The following FSTL5 variants were observed in gnomAD, a reference collection of about 807,000 sequenced individuals.
FSTL5 encodes the protein follistatin-related protein 5.
Under a neutral mutation model 89.1 loss-of-function variants are expected in FSTL5, and 62 were observed. The ratio of observed to expected loss-of-function variants is 0.70; its 90% CI spans 0.57 to 0.86. FSTL5 has a LOEUF of 0.86. Ranked by LOEUF, FSTL5 falls within the 40% of genes least tolerant of loss-of-function variation. The pLI, the probability that FSTL5 is intolerant of heterozygous loss-of-function variation, is 0.00. For synonymous variants in FSTL5, 383 were observed against 346.2 expected (o/e 1.11, Z -1.18); for missense variants, 1,057 against 1,001.6 (o/e 1.06, Z -0.75).
At chr4:161,480,372 C>T (rs1267483457) in intron 13 of FSTL5, among the ~76,000 whole-genome samples, 1 of 152,136 alleles carries the variant, frequency 6.6e-6, no homozygotes, top group Non-Finnish European at 1.5e-5. Context: ...ACTCTAATGC[C>T]AGACTGACTG....
At chr4:161,919,070 T>C (rs932127910) in intron 4 of FSTL5, among the ~76,000 whole-genome samples, 38 of 152,286 alleles carry the variant, frequency 2.5e-4, no homozygotes, top group African/African-American at 8.9e-4. Context: ...CATAATTTCA[T>C]AGTGTCAAGT....
intron 6 of FSTL5, among the ~76,000 whole-genome samples, chr4:161,671,214 CAGGT>C (rs1486889007): frequency 6.6e-6 from 1 of 152,182 alleles, no homozygotes; most frequent in Non-Finnish European, 1.5e-5. Context: ...AGCACTAACT[CAGGT>C]AGATTGCAGA....
intron 9 of FSTL5, among the ~76,000 whole-genome samples, chr4:161,540,179 C>G (rs1411077034): frequency 6.6e-6 from 1 of 152,128 alleles, no homozygotes; most frequent in African/African-American, 2.4e-5. Context: ...AATAAGCTAA[C>G]CCATCTCTGC....
intron 6 of FSTL5, among the ~76,000 whole-genome samples, chr4:161,735,931 A>C (rs578004042): frequency 6.6e-6 from 1 of 151,908 alleles, no homozygotes; most frequent in Non-Finnish European, 1.5e-5. Flanking sequence ...CAACTTTATA[A>C]AAAAAAGAGA....
chr4:161,987,900 T>C (rs1026033827), intron 3 of FSTL5, among the ~76,000 whole-genome samples: 2 of 151,684 alleles, frequency 1.3e-5, no homozygotes, highest in African/African-American at 2.4e-5. Context: ...TAAAAAAAAC[T>C]TAGGTTTTAT....
At chr4:162,106,217 A>G (rs1038139524) in intron 2 of FSTL5, among the ~76,000 whole-genome samples, 1 of 152,208 alleles carries the variant, frequency 6.6e-6, no homozygotes, top group Non-Finnish European at 1.5e-5. Context: ...GAGAACCATA[A>G]GTCAATTTAG....
intron 3 of FSTL5, among the ~76,000 whole-genome samples, chr4:161,933,815 T>G (rs1185540509): frequency 1.3e-5 from 2 of 152,016 alleles, no homozygotes; most frequent in Admixed American, 6.6e-5. Context: ...CTAGCAAAAC[T>G]TACTATGTCT....
intron 15 of FSTL5, among the ~76,000 whole-genome samples, chr4:161,408,795 A>T (rs553373818): frequency 6.6e-6 from 1 of 152,346 alleles, no homozygotes; most frequent in Non-Finnish European, 1.5e-5. Flanking sequence ...CAGAAGTATT[A>T]GCAGCGGAAG....
intron 8 of FSTL5, among the ~76,000 whole-genome samples, chr4:161,550,557 T>TTTTTA (rs1553996654): frequency 7.0e-6 from 1 of 142,244 alleles, no homozygotes; most frequent in Non-Finnish European, 1.5e-5. Context: ...GTAACTTCTT[T>TTTTTA]TTTATTTATT....
intron 6 of FSTL5, among the ~76,000 whole-genome samples, chr4:161,668,002 T>C (rs1213527096): frequency 6.6e-6 from 1 of 151,814 alleles, no homozygotes; most frequent in East Asian, 1.9e-4. Flanking sequence ...ATCCAAAGTA[T>C]GCAGGGTAAA....
intron 4 of FSTL5, among the ~76,000 whole-genome samples, chr4:161,783,183 A>G (rs1741732115): frequency 6.6e-6 from 1 of 152,214 alleles, no homozygotes; most frequent in Non-Finnish European, 1.5e-5. Flanking sequence ...ACAATTTAAC[A>G]TATTAGCTAT....
intron 4 of FSTL5, among the ~76,000 whole-genome samples, chr4:161,868,640 T>C (rs1328574703): frequency 6.6e-6 from 1 of 152,136 alleles, no homozygotes; most frequent in African/African-American, 2.4e-5. Context: ...TATAGACCCA[T>C]TAGCATAAGT....
At chr4:161,584,287 G>C (rs1026278330) in intron 8 of FSTL5, among the ~76,000 whole-genome samples, 1 of 152,166 alleles carries the variant, frequency 6.6e-6, no homozygotes, top group Non-Finnish European at 1.5e-5. Context: ...ACGTCCTCAT[G>C]CTCCTACACT....
intron 10 of FSTL5, among the ~76,000 whole-genome samples, chr4:161,530,848 T>C (rs1731387513): frequency 1.3e-5 from 2 of 152,138 alleles, no homozygotes; most frequent in South Asian, 4.1e-4. Flanking sequence ...TAACTTCATA[T>C]TGAGGATGAA....
intron 2 of FSTL5, among the ~76,000 whole-genome samples, chr4:162,056,023 A>C (rs1354747268): frequency 6.6e-6 from 1 of 151,906 alleles, no homozygotes; most frequent in Admixed American, 6.6e-5. Context: ...TATATAACCA[A>C]AGAGTAAGAA....
chr4:162,076,956 T>C (rs1437566891), intron 2 of FSTL5, among the ~76,000 whole-genome samples: 1 of 151,822 alleles, frequency 6.6e-6, no homozygotes, highest in Non-Finnish European at 1.5e-5. Flanking sequence ...TTCTGAAAAT[T>C]AGAATGGATC....
intron 15 of FSTL5, among the ~76,000 whole-genome samples, chr4:161,405,102 G>A (rs1020933184): frequency 6.6e-6 from 1 of 151,868 alleles, no homozygotes; most frequent in African/African-American, 2.4e-5. Flanking sequence ...GTATGGTGGT[G>A]GGCACCTGTA....
intron 4 of FSTL5, among the ~76,000 whole-genome samples, chr4:161,794,994 T>C (rs1018667693): frequency 1.1e-4 from 16 of 151,960 alleles, no homozygotes; most frequent in African/African-American, 1.9e-4. Context: ...GAATATATAT[T>C]TTATTTACAT....
chr4:161,545,119 T>C (rs1465984067), intron 8 of FSTL5, among the ~76,000 whole-genome samples: 1 of 152,010 alleles, frequency 6.6e-6, no homozygotes, highest in Non-Finnish European at 1.5e-5. Flanking sequence ...GAATTTAAAA[T>C]CTTGGAAAAG....
Sources: allele counts gnomAD v4.1 joint callset (sites outside exome capture counted in the v4.1 genomes callset), GRCh38; gene constraint gnomAD v4.1.1; transcripts MANE v1.5; gene names NCBI Gene and HGNC (gene_info 2026-07-23, HGNC 2026-07-21).